Variants in ATP10B observed in about 807,000 individuals in gnomAD.
The protein encoded by ATP10B is ATPase phospholipid transporting 10B (putative), also known as phospholipid-transporting ATPase VB.
Under a neutral mutation model 141.2 loss-of-function variants are expected in ATP10B, and 122 were observed. The ratio of observed to expected loss-of-function variants is 0.86; its 90% CI spans 0.75 to 1.00. The LOEUF is 1.00. Ranked by LOEUF, ATP10B falls within the 50% of genes least tolerant of loss-of-function variation. The pLI, the probability that ATP10B is intolerant of heterozygous loss-of-function variation, is 0.00. For missense variants in ATP10B, 1,876 were observed against 1,825.3 expected, an observed-to-expected ratio of 1.03 and a Z score of -0.51; for synonymous variants, 685 against 692.0, an observed-to-expected ratio of 0.99 and a Z score of 0.16.
At chr5:160,781,536 C>G (rs997070903) in intron 2 of ATP10B, among the ~76,000 whole-genome samples, 1 of 151,970 alleles carries the variant, frequency 6.6e-6, no homozygotes, top group African/African-American at 2.4e-5. Flanking sequence ...GACAAGAATT[C>G]AAGAAACTTA....
At chr5:160,653,592 T>TATACATATATACATATATAC (rs1554100789) in intron 7 of ATP10B, among the ~76,000 whole-genome samples, 5 of 7,328 alleles carry the variant, frequency 6.8e-4, no homozygotes, top group South Asian at 8.8e-3. Flanking sequence ...CATATATACA[T>TATACATATATACATATATAC]ATATACATAT....
At position 160,687,854 on chromosome 5, in the gene ATP10B, G is replaced by A; in HGVS notation, c.221C>T (p.Thr74Ile). The A allele has an allele frequency of 6.2e-7, 1 of 1,614,124 alleles. No homozygotes were observed. Among genetic ancestry groups the A allele is most frequent in the Non-Finnish European group, 8.5e-7 (1 of 1,180,014 alleles). The change falls in exon 5 of 26, where the codon ACC (threonine) becomes ATC (isoleucine). Residue 74 changes from threonine (T) to isoleucine (I), a missense_variant. Thr to Ile is a moderately conservative substitution (Grantham distance 89). Transcript: ENST00000327245. ...RRYPGNRTCT[T>I]KYTLFTFLPR... is the part of the protein sequence containing the mutation. ...CAGGAAGGTGAAGAGGGTGTATTTG[G>A]TTGTGCAGGTTCTGTTGCCAGGGTA...
At chr5:160,715,787 C>G (rs143074271) in intron 3 of ATP10B, among the ~76,000 whole-genome samples, 132 of 151,952 alleles carry the variant, frequency 8.7e-4, no homozygotes, top group African/African-American at 3.0e-3. Context: ...TTTCGGCTCA[C>G]TGCAACCTTT....
intron 2 of ATP10B, among the ~76,000 whole-genome samples, chr5:160,764,318 T>C (rs1769252827): frequency 6.6e-6 from 1 of 152,000 alleles, no homozygotes; most frequent in Non-Finnish European, 1.5e-5. Flanking sequence ...CTCAACAAAA[T>C]ACCAGCTAAC....
At chr5:160,742,048 C>T (rs1767516466) in intron 2 of ATP10B, among the ~76,000 whole-genome samples, 1 of 152,174 alleles carries the variant, frequency 6.6e-6, no homozygotes, top group African/African-American at 2.4e-5. Flanking sequence ...TTGTCACTCT[C>T]AGATCTATAA....
chr5:160,788,473 G>A (rs145235064), intron 1 of ATP10B, among the ~76,000 whole-genome samples: 77 of 152,292 alleles, frequency 5.1e-4, no homozygotes, highest in Middle Eastern at 3.4e-3. Context: ...TCTGGAAAGT[G>A]GGGAAGAGCT....
chr5:160,623,623 A>C (rs1758469614), intron 13 of ATP10B, among the ~76,000 whole-genome samples: 1 of 152,136 alleles, frequency 6.6e-6, no homozygotes, highest in African/African-American at 2.4e-5. Flanking sequence ...TCTTTCTAGA[A>C]GTTACCACTT....
intron 2 of ATP10B, among the ~76,000 whole-genome samples, chr5:160,742,048 C>A (rs1767516466): frequency 6.6e-6 from 1 of 152,174 alleles, no homozygotes; most frequent in Non-Finnish European, 1.5e-5. Flanking sequence ...TTGTCACTCT[C>A]AGATCTATAA....
At chr5:160,832,484 T>C (rs1408340022) in intron 1 of ATP10B, among the ~76,000 whole-genome samples, 1 of 152,128 alleles carries the variant, frequency 6.6e-6, no homozygotes, top group African/African-American at 2.4e-5. Context: ...AAGGTATTTA[T>C]TTTAAAATTT....
the ATP10B span, among the ~76,000 whole-genome samples, chr5:160,882,869 C>G: frequency 2.0e-5 from 3 of 151,904 alleles, no homozygotes; most frequent in African/African-American, 7.3e-5. Flanking sequence ...CACCATAAAA[C>G]CAGATATCAA....
At chr5:160,863,137 C>T in the ATP10B span, among the ~76,000 whole-genome samples, 2 of 151,944 alleles carry the variant, frequency 1.3e-5, no homozygotes, top group Non-Finnish European at 2.9e-5. Context: ...TTTTCAGCTA[C>T]TTCCATTATG....
chr5:160,875,290 C>T, the ATP10B span, among the ~76,000 whole-genome samples: 4 of 62,130 alleles, frequency 6.4e-5, 1 homozygote, highest in Non-Finnish European at 1.8e-4. Context: ...AACTAAGCTT[C>T]ATAAGTGAAG....
intron 20 of ATP10B, chr5:160,602,948 T>G: frequency 2.6e-6 from 1 of 391,408 alleles, no homozygotes; most frequent in Non-Finnish European, 4.8e-6. Context: ...TGGCTCTTCA[T>G]CCGTTTATCC....
intron 2 of ATP10B, among the ~76,000 whole-genome samples, chr5:160,742,202 T>A (rs1051145841): frequency 2.0e-5 from 3 of 152,134 alleles, no homozygotes; most frequent in Non-Finnish European, 4.4e-5. Context: ...TTGAAATATG[T>A]GAGGTGACAA....
At chr5:160,586,031 T>C (rs966807609) in intron 24 of ATP10B, among the ~76,000 whole-genome samples, 1 of 152,242 alleles carries the variant, frequency 6.6e-6, no homozygotes, top group African/African-American at 2.4e-5. Context: ...TACATAGGTA[T>C]ACATGTGCCA....
At chr5:160,626,104 C>T (rs896994220) in intron 13 of ATP10B, among the ~76,000 whole-genome samples, 1 of 152,234 alleles carries the variant, frequency 6.6e-6, no homozygotes, top group Non-Finnish European at 1.5e-5. Context: ...AAACTTGGCA[C>T]TTAGAGCACT....
Position 160,603,448 on chromosome 5 carries a change from T to C in ATP10B, c.3237+517A>G, listed in dbSNP as rs538260472. Among the ~76,000 whole-genome samples, 10 of 152,294 alleles carry C rather than the reference T, an allele frequency of 6.6e-5. No homozygotes were observed. In the South Asian group the frequency reaches 1.7e-3, roughly 25 times the overall value. ...CAAAATTATGAGACTTTTTTTGCAA[T>C]TTTTTTAAAGCTCATCAGCTATAGT... On this transcript the variant is annotated intron_variant, in intron 20 of 25. Coordinates refer to ENST00000327245, the MANE Select transcript of ATP10B (RefSeq NM_025153.3).
chr5:160,844,184 C>T lies in ATP10B; in HGVS notation c.-576+7757G>A, dbSNP rs147198789. ...AGCTCAGCAACTTCACTCCTAAATACATACCCAACAGAAATATATATATAT... is the reference window on the plus strand; with the variant it reads ...AGCTCAGCAACTTCACTCCTAAATATATACCCAACAGAAATATATATATAT... On this transcript the variant is annotated intron_variant, in intron 1 of 25. Transcript: ENST00000327245. Among the ~76,000 whole-genome samples, 917 of 152,194 alleles carry T rather than the reference C, an allele frequency of 6.0e-3. 13 individuals are homozygous for T. Among genetic ancestry groups the T allele is most frequent in the African/African-American group, 0.021 (873 of 41,520 alleles).
At chr5:160,823,449 C>G (rs1394273384) in intron 1 of ATP10B, among the ~76,000 whole-genome samples, 1 of 152,052 alleles carries the variant, frequency 6.6e-6, no homozygotes, top group African/African-American at 2.4e-5. Flanking sequence ...GACTTAATAC[C>G]TAGGTGATGG....
Sources: allele counts gnomAD v4.1 joint callset (sites outside exome capture counted in the v4.1 genomes callset), GRCh38; gene constraint gnomAD v4.1.1; transcripts MANE v1.5; gene names NCBI Gene and HGNC (gene_info 2026-07-23, HGNC 2026-07-21).